HSD17B13: variants seen among roughly 807,000 people sequenced by gnomAD.
HSD17B13 encodes the protein 17-beta-hydroxysteroid dehydrogenase 13.
A neutral mutation model predicts 31.1 loss-of-function variants in HSD17B13; 26 were observed. The observed-to-expected ratio is 0.84, with a 90% CI of 0.61 to 1.16. HSD17B13 has a LOEUF of 1.16. HSD17B13 is among the 50% of genes most tolerant of loss of function. The pLI, the probability that HSD17B13 is intolerant of heterozygous loss-of-function variation, is 0.00. For synonymous variants in HSD17B13, 141 were observed against 133.7 expected (o/e 1.05, Z -0.38); for missense variants, 374 against 366.5 (o/e 1.02, Z -0.17).
At chr4:87,314,087 T>C (rs915785969) in intron 4 of HSD17B13, 127 bp from the exon 5 acceptor site, 2 of 597,652 alleles carry the variant, frequency 3.3e-6, no homozygotes, top group African/African-American at 3.9e-5. Flanking sequence ...TTGTGATTTT[T>C]CTGAGAGTAT....
intron 1 of HSD17B13, among the ~76,000 whole-genome samples, chr4:87,320,385 T>TG (rs1734753546): frequency 8.0e-6 from 1 of 125,424 alleles, no homozygotes; most frequent in Non-Finnish European, 1.6e-5. Context: ...TTCTTCAGTT[T>TG]TTTTTTTTTT....
chr4:87,311,078 G>A (rs1385083231), intron 5 of HSD17B13, among the ~76,000 whole-genome samples: 1 of 152,116 alleles, frequency 6.6e-6, no homozygotes, highest in Non-Finnish European at 1.5e-5. Flanking sequence ...TAATACATTA[G>A]CAAGCTAAGA....
intron 1 of HSD17B13, among the ~76,000 whole-genome samples, chr4:87,320,828 G>T (rs1734769749): frequency 6.6e-6 from 1 of 152,166 alleles, no homozygotes; most frequent in Admixed American, 6.5e-5. Flanking sequence ...TTGCATAAGA[G>T]CCAAACTGCT....
chr4:87,304,134 C>T lies in HSD17B13; in HGVS notation c.*1084G>A, dbSNP rs1734331277. 1.3e-5 allele frequency: 2 copies of T among 151,920 alleles called. No homozygotes were observed. Among genetic ancestry groups the T allele is most frequent in the Admixed American group, 6.6e-5 (1 of 15,224 alleles). The allele number at this position is 151,920 out of a possible 1,614,324, so 9.4% of individuals were successfully genotyped here. ...ACCATCTTGGCTAACATGGTGAAACCCCGTCTCTACAAAAAATACAAAAAA... is the reference window on the plus strand; with the variant it reads ...ACCATCTTGGCTAACATGGTGAAACTCCGTCTCTACAAAAAATACAAAAAA... On this transcript the variant is annotated 3_prime_UTR_variant, in exon 7 of 7. Transcript: ENST00000328546.
chr4:87,311,478 G>A (rs1734529381), intron 5 of HSD17B13, among the ~76,000 whole-genome samples: 1 of 152,062 alleles, frequency 6.6e-6, no homozygotes, highest in Admixed American at 6.6e-5. Context: ...TGCCTATCCT[G>A]CAGTTTAATG....
At chr4:87,319,363 A>G (rs1301168279) in intron 1 of HSD17B13, among the ~76,000 whole-genome samples, 2 of 152,230 alleles carry the variant, frequency 1.3e-5, no homozygotes, top group East Asian at 3.8e-4. Context: ...TGGAGGCTGT[A>G]CAGTAGGCAG....
intron 3 of HSD17B13, among the ~76,000 whole-genome samples, chr4:87,316,139 C>T (rs1734645010): frequency 6.6e-6 from 1 of 151,612 alleles, no homozygotes; most frequent in Admixed American, 6.6e-5. Flanking sequence ...TCTTTTTTTC[C>T]AAAAACCTCT....
At chr4:87,318,498 T>A (rs1034020385) in intron 1 of HSD17B13, 62 bp from the exon 2 acceptor site, 31 of 1,395,494 alleles carry the variant, frequency 2.2e-5, no homozygotes, top group Non-Finnish European at 3.1e-5. Flanking sequence ...AGAAGAAAAA[T>A]TTTTAGACAA....
In HSD17B13 at chr4:87,305,241, C is replaced by T. The variant is rs1734362578; in HGVS notation, c.880G>A (p.Gly294Ser). Reference sequence around the variant, plus strand: ...ATTCATTTCATTTTGATTTTGTGGCCAACCACTGCTTCAAATTGAATATTC... The same window carrying T: ...ATTCATTTCATTTTGATTTTGTGGCTAACCACTGCTTCAAATTGAATATTC... The part of the protein sequence containing the change: ...MQNIQFEAVV[G>S]HKIKMK Residue 294 changes from glycine to serine, a missense_variant, in exon 7 of 7, where the codon GGC becomes AGC. Physicochemically the swap from Gly to Ser is moderately conservative, Grantham distance 56. Coordinates refer to ENST00000328546, the MANE Select transcript of HSD17B13 (RefSeq NM_178135.5). 1.2e-6 allele frequency: 2 copies of T among 1,606,444 alleles called. No individual in the cohort carries two copies. Among genetic ancestry groups the T allele is most frequent in the East Asian group, 4.5e-5 (2 of 44,676 alleles).
intron 3 of HSD17B13, among the ~76,000 whole-genome samples, chr4:87,316,701 A>C (rs766755094): frequency 7.2e-5 from 11 of 152,188 alleles, no homozygotes; most frequent in Non-Finnish European, 1.5e-4. Flanking sequence ...TTCCATTCTA[A>C]AATTCCACAA....
intron 2 of HSD17B13, among the ~76,000 whole-genome samples, chr4:87,317,563 C>CTTTTTTTTTTTTTTTTTTTTTT (rs869241617): frequency 4.0e-5 from 2 of 49,748 alleles, no homozygotes; most frequent in African/African-American, 8.4e-5. Flanking sequence ...TTTCTTTAAA[C>CTTTTTTTTTTTTTTTTTTTTTT]TTTTTTTTTT....
intron 5 of HSD17B13, among the ~76,000 whole-genome samples, chr4:87,310,605 C>T (rs1325228921): frequency 1.3e-5 from 2 of 152,064 alleles, no homozygotes; most frequent in East Asian, 3.9e-4. Flanking sequence ...GTCAAAATAT[C>T]AAAATGGTGG....
intron 4 of HSD17B13, among the ~76,000 whole-genome samples, chr4:87,314,187 A>G (rs1334228957): frequency 6.6e-6 from 1 of 151,884 alleles, no homozygotes; most frequent in Non-Finnish European, 1.5e-5. Flanking sequence ...CAAAAGAACA[A>G]AAATAACTCT....
At chr4:87,313,733 T>C (rs2110100884) in intron 5 of HSD17B13, 90 bp downstream of exon 5, 2 of 1,019,690 alleles carry the variant, frequency 2.0e-6, no homozygotes, top group South Asian at 1.6e-5. Flanking sequence ...TTCATTTTCT[T>C]CTATTAGTTG....
chr4:87,317,654 C>T (rs115143274), intron 2 of HSD17B13, among the ~76,000 whole-genome samples: 1,474 of 128,918 alleles, frequency 0.011, 17 homozygotes, highest in Middle Eastern at 0.021. Flanking sequence ...TGTGATCCTT[C>T]CACCTTGGCC....
intron 5 of HSD17B13, among the ~76,000 whole-genome samples, chr4:87,312,217 G>A (rs1460436648): frequency 1.3e-5 from 2 of 152,146 alleles, no homozygotes; most frequent in Admixed American, 1.3e-4. Flanking sequence ...ATCAGGAGTT[G>A]CAATAGTACT....
At chr4:87,310,172 T>TAAAA in intron 6 of HSD17B13, 71 bp downstream of exon 6, 5 of 1,096,844 alleles carry the variant, frequency 4.6e-6, no homozygotes, top group Non-Finnish European at 5.9e-6. Flanking sequence ...AGACTCTGTC[T>TAAAA]AAAAAAAAAA....
chr4:87,308,112 G>A (rs1051895918), intron 6 of HSD17B13, among the ~76,000 whole-genome samples: 1 of 152,182 alleles, frequency 6.6e-6, no homozygotes, highest in South Asian at 2.1e-4. Flanking sequence ...TATAAATTCT[G>A]TTCTCTAAGA....
At chr4:87,319,996 A>G (rs1734744796) in intron 1 of HSD17B13, among the ~76,000 whole-genome samples, 1 of 152,214 alleles carries the variant, frequency 6.6e-6, no homozygotes, top group Non-Finnish European at 1.5e-5. Flanking sequence ...TGTGACAAAG[A>G]GGCAAGGATA....
Sources: allele counts gnomAD v4.1 joint callset (sites outside exome capture counted in the v4.1 genomes callset), GRCh38; gene constraint gnomAD v4.1.1; transcripts MANE v1.5; gene names NCBI Gene and HGNC (gene_info 2026-07-23, HGNC 2026-07-21).